PSIP1: variants seen among roughly 807,000 people sequenced by gnomAD.
The protein encoded by PSIP1 is PC4 and SFRS1-interacting protein.
A neutral mutation model predicts 74.7 loss-of-function variants in PSIP1; 19 were observed. The ratio of observed to expected loss-of-function variants is 0.25; its 90% CI spans 0.18 to 0.37. The LOEUF is 0.37. PSIP1 is among the 10% of genes least tolerant of loss of function. The probability of loss-of-function intolerance (pLI) is 1.00; values close to 1 mark genes in which losing one functional copy is unlikely to be tolerated. For synonymous variants in PSIP1, 222 were observed against 195.3 expected (o/e 1.14, Z -1.14); for missense variants, 601 against 614.3 (o/e 0.98, Z 0.23).
chr9:15,495,903 T>C (rs1267486117), intron 3 of PSIP1, among the ~76,000 whole-genome samples: 5 of 152,230 alleles, frequency 3.3e-5, no homozygotes, highest in Non-Finnish European at 5.9e-5. Context: ...AGCTATTTAT[T>C]CTATTATTCC....
intron 3 of PSIP1, among the ~76,000 whole-genome samples, chr9:15,499,685 C>T (rs2037241440): frequency 6.6e-6 from 1 of 152,046 alleles, no homozygotes; most frequent in East Asian, 1.9e-4. Context: ...ACCCGCCTGG[C>T]CAACATGGTG....
intron 6 of PSIP1, among the ~76,000 whole-genome samples, chr9:15,481,906 G>A (rs1041742457): frequency 6.6e-6 from 1 of 151,888 alleles, no homozygotes; most frequent in Admixed American, 6.6e-5. Flanking sequence ...CTAAAGAAAG[G>A]ACCAATGAAG....
chr9:15,469,580 AAAAT>A (rs1267387613), intron 11 of PSIP1, among the ~76,000 whole-genome samples: 1 of 152,164 alleles, frequency 6.6e-6, no homozygotes, highest in African/African-American at 2.4e-5. Context: ...CGTTTTTCCT[AAAAT>A]AAATAGTCTG....
At chr9:15,488,345 A>AACAAC (rs1563884226) in intron 4 of PSIP1, among the ~76,000 whole-genome samples, 2 of 151,818 alleles carry the variant, frequency 1.3e-5, no homozygotes, top group South Asian at 4.2e-4. Flanking sequence ...ACAACAACAA[A>AACAAC]AAAAAGAGTA....
chr9:15,485,312 G>A (rs139364350), intron 6 of PSIP1, among the ~76,000 whole-genome samples: 3 of 151,822 alleles, frequency 2.0e-5, no homozygotes, highest in Non-Finnish European at 2.9e-5. Context: ...TCCTTCATCC[G>A]CCTGACAAAA....
chr9:15,500,223 G>A (rs2037273527), intron 3 of PSIP1, among the ~76,000 whole-genome samples: 1 of 152,076 alleles, frequency 6.6e-6, no homozygotes, highest in South Asian at 2.1e-4. Flanking sequence ...TCCCAGCACT[G>A]TGGAGGCCGA....
At chr9:15,482,411 T>C (rs1448812156) in intron 6 of PSIP1, among the ~76,000 whole-genome samples, 2 of 152,206 alleles carry the variant, frequency 1.3e-5, no homozygotes, top group African/African-American at 4.8e-5. Context: ...ACTCAATCTA[T>C]TCTTCCCGAC....
intron 14 of PSIP1, 87 bp downstream of exon 14, chr9:15,468,543 G>A: frequency 1.5e-6 from 2 of 1,372,332 alleles, no homozygotes; most frequent in Non-Finnish European, 2.1e-6. Flanking sequence ...TATACACAGT[G>A]AAACTATGTA....
chr9:15,467,946 C>T (rs2035700347), intron 14 of PSIP1, among the ~76,000 whole-genome samples: 1 of 151,144 alleles, frequency 6.6e-6, no homozygotes, highest in Non-Finnish European at 1.5e-5. Context: ...CATGGAGAAA[C>T]CCCGTGCCTA....
chr9:15,488,833 A>G (rs76661729), intron 4 of PSIP1, among the ~76,000 whole-genome samples: 7,579 of 152,066 alleles, frequency 0.05, 306 homozygotes, highest in South Asian at 0.2. Context: ...CATCCTGGCT[A>G]ACACGGTGAA....
intron 3 of PSIP1, among the ~76,000 whole-genome samples, chr9:15,502,602 C>T (rs2037398741): frequency 6.6e-6 from 1 of 152,140 alleles, no homozygotes. Flanking sequence ...AGTAATTACG[C>T]ATGGACTTGA....
At position 15,464,444 on chromosome 9, in the gene PSIP1, T is replaced by C. The variant is rs956040040; in HGVS notation, c.*1076A>G. On this transcript the variant is annotated 3_prime_UTR_variant, in exon 16 of 16. Coordinates refer to ENST00000380733, the MANE Select transcript of PSIP1 (RefSeq NM_033222.5). ...ATCCTTTAGTTAACATACCCTTAAA[T>C]TTTGTAACATTGATTTTACCCTGGA... 3 of 199,394 alleles carry C rather than the reference T, an allele frequency of 1.5e-5. No homozygotes were observed. Among genetic ancestry groups the C allele is most frequent in the Non-Finnish European group, 3.1e-5 (3 of 96,790 alleles). 12.4% of individuals were successfully genotyped at this position (199,394 alleles called of 1,614,324 possible). A position where few individuals can be genotyped will look rare whatever the true frequency, so the allele number is the denominator to read the frequency against.
At chr9:15,484,523 A>G (rs2132110234) in intron 6 of PSIP1, among the ~76,000 whole-genome samples, 1 of 151,542 alleles carries the variant, frequency 6.6e-6, no homozygotes, top group South Asian at 2.1e-4. Context: ...CCAGGAGTTC[A>G]AGACCAGCCT....
chr9:15,484,160 TA>T (rs954857624), intron 6 of PSIP1, among the ~76,000 whole-genome samples: 37 of 141,126 alleles, frequency 2.6e-4, no homozygotes, highest in Non-Finnish European at 2.2e-4. Context: ...AATTTATATT[TA>T]AAAAAAAAAA....
chr9:15,486,583 G>T (rs778502925), intron 5 of PSIP1, among the ~76,000 whole-genome samples: 11 of 152,088 alleles, frequency 7.2e-5, no homozygotes, highest in Non-Finnish European at 1.3e-4. Flanking sequence ...GCACCCTACA[G>T]TTGGACTTCA....
At chr9:15,487,954 T>C (rs750078635) in intron 4 of PSIP1, among the ~76,000 whole-genome samples, 2 of 152,210 alleles carry the variant, frequency 1.3e-5, no homozygotes, top group African/African-American at 2.4e-5. Context: ...GAAAGATTTA[T>C]ATGTTCCAGA....
rs1482810672 is a variant in PSIP1, at chr9:15,469,984, T to C, written c.987A>G (p.Lys329=). ...TAACTTCTGGCTTCTTTCCTTCATC[T>C]TTATTCTGCCTATCAAATGTTAACA... is the stretch of plus-strand genomic sequence containing the variant. The part of the protein sequence containing the change: ...EEQMETEQQN[K]DEGKKPEVKK... The change falls in exon 11 of 16, where the codon AAA becomes AAG. Residue 329 remains lysine (K), a synonymous_variant. Transcript: ENST00000380733. 1 of 1,606,696 alleles carries C rather than the reference T, an allele frequency of 6.2e-7. No homozygotes were observed. The highest frequency in any genetic ancestry group is 1.7e-5 in the Admixed American group (1 of 59,956).
intron 3 of PSIP1, among the ~76,000 whole-genome samples, chr9:15,503,040 A>G (rs2037416725): frequency 1.3e-5 from 2 of 152,234 alleles, no homozygotes; most frequent in Non-Finnish European, 2.9e-5. Context: ...AGTTTAGCAG[A>G]CTACTAAACT....
intron 6 of PSIP1, among the ~76,000 whole-genome samples, chr9:15,484,954 C>G (rs2036496889): frequency 6.7e-6 from 1 of 149,608 alleles, no homozygotes; most frequent in Non-Finnish European, 1.5e-5. Flanking sequence ...TATGGTGGCA[C>G]ACTTCTACAG....
Sources: gnomAD v4.1 joint callset for allele counts (sites outside exome capture counted in the v4.1 genomes callset) on GRCh38, gnomAD v4.1.1 for gene constraint, MANE v1.5 for transcripts, NCBI Gene and HGNC (gene_info 2026-07-23, HGNC 2026-07-21) for gene names.